The following LHX4 variants were observed in gnomAD, a reference collection of about 807,000 sequenced individuals.
LHX4 encodes the protein LIM/homeobox protein Lhx4.
LHX4 carries 16 observed loss-of-function variants against 39.2 expected under a neutral mutation model. The ratio of observed to expected loss-of-function variants is 0.41; its 90% CI spans 0.28 to 0.62. The LOEUF is 0.62. LHX4 is among the 20% of genes least tolerant of loss of function. The pLI, the probability that LHX4 is intolerant of heterozygous loss-of-function variation, is 0.33. For synonymous variants in LHX4, 206 were observed against 198.1 expected (o/e 1.04, Z -0.33); for missense variants, 439 against 511.9 (o/e 0.86, Z 1.37).
intron 2 of LHX4, among the ~76,000 whole-genome samples, chr1:180,262,926 T>C (rs1320382902): frequency 6.6e-6 from 1 of 152,186 alleles, no homozygotes; most frequent in Non-Finnish European, 1.5e-5. Flanking sequence ...AAGTCTTCCT[T>C]GCATTTTCTC....
chr1:180,240,241 C>T (rs1032127557), intron 1 of LHX4, among the ~76,000 whole-genome samples: 4 of 152,120 alleles, frequency 2.6e-5, no homozygotes, highest in African/African-American at 9.7e-5. Flanking sequence ...ACTATGTTGC[C>T]CAGACTGGTC....
intron 3 of LHX4, 69 bp from the exon 4 acceptor site, chr1:180,271,311 G>C: frequency 6.4e-7 from 1 of 1,554,514 alleles, no homozygotes; most frequent in East Asian, 2.2e-5. Flanking sequence ...GGATGGAAGG[G>C]AGGGTGTGGG....
intron 2 of LHX4, among the ~76,000 whole-genome samples, chr1:180,264,412 C>CACACAG (rs1491284802): frequency 1.4e-5 from 2 of 144,070 alleles, no homozygotes; most frequent in Non-Finnish European, 3.1e-5. Flanking sequence ...CACACACACA[C>CACACAG]AGTAGAGGTG....
At chr1:180,267,468 C>T (rs766463222) in intron 3 of LHX4, among the ~76,000 whole-genome samples, 2 of 152,270 alleles carry the variant, frequency 1.3e-5, no homozygotes, top group Non-Finnish European at 2.9e-5. Flanking sequence ...ATGCTCCCCT[C>T]GCAAAGCCAA....
chr1:180,235,106 T>C (rs1365000508), intron 1 of LHX4, among the ~76,000 whole-genome samples: 1 of 152,240 alleles, frequency 6.6e-6, no homozygotes, highest in African/African-American at 2.4e-5. Flanking sequence ...GCTTTGCGCT[T>C]ACTGCGTCCC....
chr1:180,238,500 C>T (rs1052961362), intron 1 of LHX4, among the ~76,000 whole-genome samples: 5 of 152,156 alleles, frequency 3.3e-5, no homozygotes, highest in South Asian at 2.1e-4. Flanking sequence ...ATATGATTTA[C>T]CTTCAATGCG....
chr1:180,258,895 G>A (rs143905276), intron 2 of LHX4, among the ~76,000 whole-genome samples: 104 of 152,164 alleles, frequency 6.8e-4, no homozygotes, highest in African/African-American at 2.4e-3. Flanking sequence ...AGATGGGGAC[G>A]GATGCCCAAA....
In LHX4 at chr1:180,277,822, A is replaced by G. The variant is rs192891529; in HGVS notation, c.*3243A>G. 106 of 149,816 alleles carry G rather than the reference A, an allele frequency of 7.1e-4. No individual in the cohort carries two copies. The highest frequency in any genetic ancestry group is 2.4e-3 in the African/African-American group (101 of 41,258). The allele number at this position is 149,816 out of a possible 1,614,324, so 9.3% of individuals were successfully genotyped here. On this transcript the variant is annotated 3_prime_UTR_variant, in exon 6 of 6. Transcript: ENST00000263726. ...ATGAATACTGTGAAACATCAGGGAA[A>G]GAGGAAAAAATTAAGCCACAAGAAA...
chr1:180,253,130 G>A (rs963329054), intron 2 of LHX4, among the ~76,000 whole-genome samples: 3 of 152,300 alleles, frequency 2.0e-5, no homozygotes, highest in South Asian at 2.1e-4. Context: ...AGGGTGTCCC[G>A]AGCCCTGTTA....
chr1:180,261,342 C>A (rs1358187597), intron 2 of LHX4, among the ~76,000 whole-genome samples: 2 of 147,762 alleles, frequency 1.4e-5, no homozygotes, highest in Admixed American at 1.4e-4. Context: ...ATGGAAGGAG[C>A]CAGCAGAGGG....
Position 180,266,684 on chromosome 1 carries a change from C to G in LHX4, c.451+90C>G. The G allele has an allele frequency of 7.9e-7, 1 of 1,262,106 alleles. No individual in the cohort carries two copies. The highest frequency in any genetic ancestry group is 1.5e-5 in the African/African-American group (1 of 67,560). 78.2% of individuals were successfully genotyped at this position (1,262,106 alleles called of 1,614,324 possible). ...AGGTGCCCTTCTCATGGCGTCCCAC[C>G]TGCCCATCCCTCAGAGCCCTACTCA... On this transcript the variant is annotated intron_variant, in intron 3 of 5. Transcript: ENST00000263726. The surrounding 1 kb of genome is among the most constrained non-coding windows in gnomAD (Gnocchi z 5.7).
rs768087988 is a variant in LHX4 at position 180,274,169 on chromosome 1, GT to G, written c.779-14del. 1.7e-5 allele frequency: 28 copies of G among 1,614,148 alleles called. No homozygotes were observed. The East Asian group carries it at 6.0e-4, about 35-fold the overall frequency. The stretch of plus-strand genomic sequence containing the variant: ...TCCTGGCAGCTGACAATAAATCTCC[GT>G]TCTTTTGTCCACAGAGGATCAAATT... On this transcript the variant is annotated splice_polypyrimidine_tract_variant and intron_variant, in intron 5 of 5. Transcript: ENST00000263726.
At position 180,277,223 on chromosome 1, in the gene LHX4, A is replaced by G. The variant is rs1346312729; in HGVS notation, c.*2644A>G. ...CATTATGGGTGGGCTGGTGCCACTA[A>G]TGAGCCATTGCATGACAGGACTCTT... On this transcript the variant is annotated 3_prime_UTR_variant, in exon 6 of 6. Transcript: ENST00000263726. 2 of 152,208 alleles carry G rather than the reference A, an allele frequency of 1.3e-5. No homozygotes were observed. The highest frequency in any genetic ancestry group is 2.4e-5 in the African/African-American group (1 of 41,444). 9.4% of individuals were successfully genotyped at this position (152,208 alleles called of 1,614,324 possible). A position where few individuals can be genotyped will look rare whatever the true frequency, so the allele number is the denominator to read the frequency against.
chr1:180,239,977 G>A (rs1322902834), intron 1 of LHX4, among the ~76,000 whole-genome samples: 1 of 152,176 alleles, frequency 6.6e-6, no homozygotes, highest in Admixed American at 6.5e-5. Context: ...CATGGACCCA[G>A]CTCCTTTTCT....
rs1320121590 is a variant in LHX4, at chr1:180,274,587, T to C, written c.*8T>C. ...GATCATCCTCCTTTTTAAACTTCTC[T>C]CCTCCCCACCCTACCTGCCCCCCTG... On this transcript the variant is annotated 3_prime_UTR_variant, in exon 6 of 6. Coordinates refer to ENST00000263726, the MANE Select transcript of LHX4 (RefSeq NM_033343.4). 1.9e-6 allele frequency: 3 copies of C among 1,556,830 alleles called. No homozygotes were observed.
In LHX4 at chr1:180,230,414, C is replaced by A; in HGVS notation, c.-116C>A. On this transcript the variant is annotated 5_prime_UTR_variant, in exon 1 of 6. Transcript: ENST00000263726. This position sits in a 1 kb window ranked among gnomAD's most constrained non-coding sequence, Gnocchi z 5.8. ...GAGAAGCGGAGGGCCCGGCTTCCAC[C>A]GTGACTCCAGCGGCCTGCTTGGGGT... The A allele has an allele frequency of 3.4e-6, 3 of 894,124 alleles. No homozygotes were observed. The highest frequency in any genetic ancestry group is 1.4e-5 in the South Asian group (1 of 70,802). The allele number at this position is 894,124 out of a possible 1,614,324, so 55.4% of individuals were successfully genotyped here.
chr1:180,249,049 C>T (rs1021772317), intron 2 of LHX4, among the ~76,000 whole-genome samples: 3 of 152,198 alleles, frequency 2.0e-5, no homozygotes, highest in African/African-American at 7.2e-5. Flanking sequence ...CCAGGCTCTG[C>T]CTGTATTCGA....
Position 180,234,169 on chromosome 1 carries a change from TTATATATA to T in LHX4, c.76+3609_76+3616del, listed in dbSNP as rs777438399. Among the ~76,000 whole-genome samples, 741 of 53,396 alleles carry T rather than the reference TTATATATA, an allele frequency of 0.014. 6 individuals carry two copies. Among genetic ancestry groups the T allele is most frequent in the Middle Eastern group, 0.056 (3 of 54 alleles). The allele number at this position is 53,396 out of a possible 152,430, so 35.0% of individuals were successfully genotyped here. ...AACAGACACACACAACACACACAAATTATATATATATATATATATATATATATATATAT... is the reference window on the plus strand; with the variant it reads ...AACAGACACACACAACACACACAAATTATATATATATATATATATATATAT... On this transcript the variant is annotated intron_variant, in intron 1 of 5. Transcript: ENST00000263726. This position sits in a 1 kb window ranked among gnomAD's most constrained non-coding sequence, Gnocchi z 4.8.
Position 180,230,632 on chromosome 1 carries a change from T to A in LHX4, c.76+27T>A, listed in dbSNP as rs369479024. 4.4e-6 allele frequency: 7 copies of A among 1,600,884 alleles called. No individual in the cohort carries two copies. Among genetic ancestry groups the A allele is most frequent in the Non-Finnish European group, 5.1e-6 (6 of 1,168,900 alleles). On this transcript the variant is annotated intron_variant, in intron 1 of 5. Transcript: ENST00000263726. This position sits in a 1 kb window ranked among gnomAD's most constrained non-coding sequence, Gnocchi z 5.8. Reference sequence around the variant, plus strand: ...TAAGACACCCCCCTTTCTCGCTGATTTAATTCTAACAAGACAGCTAGCAGC... The same window carrying A: ...TAAGACACCCCCCTTTCTCGCTGATATAATTCTAACAAGACAGCTAGCAGC...
Sources: allele counts gnomAD v4.1 joint callset (sites outside exome capture counted in the v4.1 genomes callset), GRCh38; gene constraint gnomAD v4.1.1; non-coding constraint Gnocchi (gnomAD v3.1); transcripts MANE v1.5; gene names NCBI Gene and HGNC (gene_info 2026-07-23, HGNC 2026-07-21).